Variants in ABCA13 observed in about 807,000 individuals in gnomAD.
ABCA13 encodes the protein ATP binding cassette subfamily A member 13, also known as ATP-binding cassette sub-family A member 13.
ABCA13 carries 476 observed loss-of-function variants against 478.7 expected under a neutral mutation model. That is an observed-to-expected ratio of 0.99 (90% CI 0.92 to 1.07). The LOEUF (loss-of-function observed/expected upper bound fraction) is 1.07. ABCA13 is among the 50% of genes least tolerant of loss of function. The pLI is 0.00. For missense variants in ABCA13, 6,060 were observed against 5,910.6 expected (o/e 1.03, Z -0.83); for synonymous variants, 2,252 against 2,158.9 (o/e 1.04, Z -1.20).
intron 49 of ABCA13, 68 bp from the exon 50 acceptor site, chr7:48,507,804 A>T: frequency 6.8e-7 from 1 of 1,477,522 alleles, no homozygotes. Context: ...ATCATTGCTG[A>T]TTGTTATTAG....
chr7:48,587,686 TG>T (rs1554576462), intron 57 of ABCA13, among the ~76,000 whole-genome samples: 2 of 152,206 alleles, frequency 1.3e-5, no homozygotes, highest in Non-Finnish European at 2.9e-5. Flanking sequence ...ATCTTAAAGA[TG>T]GGTGTTGAGA....
chr7:48,325,315 C>G (rs1242012452), intron 27 of ABCA13, among the ~76,000 whole-genome samples: 1 of 152,148 alleles, frequency 6.6e-6, no homozygotes, highest in South Asian at 2.1e-4. Flanking sequence ...TGGCTATGAC[C>G]ACCCTGTGGC....
intron 17 of ABCA13, 24 bp from the exon 18 acceptor site, chr7:48,278,070 G>GTATA (rs59259655): frequency 3.2e-4 from 245 of 767,530 alleles, no homozygotes; most frequent in Middle Eastern, 1.4e-3. Flanking sequence ...TAAATTAAAA[G>GTATA]TATATATATA....
At position 48,427,993 on chromosome 7, in the gene ABCA13, A is replaced by G. The variant is rs535505840; in HGVS notation, c.12565+122A>G. 2.9e-3 allele frequency: 1,715 copies of G among 589,030 alleles called. 4 individuals carry two copies. The highest frequency in any genetic ancestry group is 3.4e-3 in the Non-Finnish European group (1,220 of 359,796). The allele number at this position is 589,030 out of a possible 1,614,324, so 36.5% of individuals were successfully genotyped here. The stretch of plus-strand genomic sequence containing the variant: ...GAAGTTAGTGAGGAGATGTGAGTGT[A>G]TAGTGAGGGGGCAAGTAAATACAGG... On this transcript the variant is annotated intron_variant, in intron 42 of 61. Transcript: ENST00000435803.
intron 21 of ABCA13, among the ~76,000 whole-genome samples, chr7:48,296,170 G>A (rs775406504): frequency 4.6e-5 from 7 of 152,098 alleles, no homozygotes; most frequent in East Asian, 1.9e-4. Flanking sequence ...TGGGAGAATC[G>A]CTTGAGGCTA....
At chr7:48,231,645 A>G (rs1305183146) in intron 7 of ABCA13, among the ~76,000 whole-genome samples, 3 of 150,496 alleles carry the variant, frequency 2.0e-5, no homozygotes, top group Non-Finnish European at 4.4e-5. Flanking sequence ...CTGAGGTCTC[A>G]GTCTCCTGAA....
intron 60 of ABCA13, among the ~76,000 whole-genome samples, chr7:48,644,245 A>C (rs1406351263): frequency 6.6e-6 from 1 of 152,204 alleles, no homozygotes; most frequent in Non-Finnish European, 1.5e-5. Context: ...AATGATGAGA[A>C]TAGTGAGAGA....
At position 48,614,654 on chromosome 7, in the gene ABCA13, G is replaced by T. The variant is rs1256678388; in HGVS notation, c.14745-631G>T. 1.3e-5 allele frequency among the ~76,000 whole-genome samples: 2 copies of T among 150,500 alleles called. 1 individual carries two copies. Among genetic ancestry groups the T allele is most frequent in the South Asian group, 4.3e-4 (2 of 4,674 alleles). ...CCAACCCAAATGTCCAACAATGATA[G>T]ACTGGATTAAGAAAATGTGGCACAT... is the stretch of plus-strand genomic sequence containing the variant. On this transcript the variant is annotated intron_variant, in intron 58 of 61. Transcript: ENST00000435803.
At chr7:48,606,660 G>T (rs1791497696) in intron 58 of ABCA13, among the ~76,000 whole-genome samples, 1 of 152,132 alleles carries the variant, frequency 6.6e-6, no homozygotes, top group African/African-American at 2.4e-5. Context: ...GCCCCTACCG[G>T]GAGCTATCTC....
chr7:48,543,860 A>G (rs1392404058), intron 55 of ABCA13, among the ~76,000 whole-genome samples: 1 of 146,326 alleles, frequency 6.8e-6, no homozygotes, highest in Non-Finnish European at 1.5e-5. Flanking sequence ...TTTGGAATAT[A>G]AATCATAATT....
chr7:48,247,998 C>A (rs1312860871), intron 13 of ABCA13, among the ~76,000 whole-genome samples: 1 of 152,220 alleles, frequency 6.6e-6, no homozygotes, highest in Non-Finnish European at 1.5e-5. Flanking sequence ...AGCTATGACA[C>A]TGAGTCCCAT....
chr7:48,506,433 GAA>G (rs755409840), intron 49 of ABCA13, 43 bp downstream of exon 49: 2 of 1,601,810 alleles, frequency 1.2e-6, no homozygotes, highest in Admixed American at 3.3e-5. Context: ...CCTGACTATG[GAA>G]GAAAATCTTT....
At chr7:48,213,413 C>T (rs1356474204) in intron 3 of ABCA13, among the ~76,000 whole-genome samples, 3 of 152,132 alleles carry the variant, frequency 2.0e-5, no homozygotes, top group Non-Finnish European at 4.4e-5. Flanking sequence ...AAAAAATGTA[C>T]ATAACTTAAA....
At position 48,193,049 on chromosome 7, in the gene ABCA13, A is replaced by T; in HGVS notation, c.160A>T (p.Ile54Phe). Residue 54 changes from isoleucine (I) to phenylalanine (F), a missense_variant, in exon 2 of 62, where the codon ATT (isoleucine) becomes TTT (phenylalanine). Physicochemically the swap from Ile to Phe is conservative, Grantham distance 21 (BLOSUM62 0). Coordinates refer to ENST00000435803, the MANE Select transcript of ABCA13 (RefSeq NM_152701.5). ...RFQEPPRYRD[I>F]CYLQPRDLPS... is the part of the protein sequence containing the mutation. ...TCAAGAACCTCCCAGATACAGAGACATTTGTAAGTTTCACTTTTTAATATA... is the reference window on the plus strand; with the variant it reads ...TCAAGAACCTCCCAGATACAGAGACTTTTGTAAGTTTCACTTTTTAATATA... 1 of 1,530,764 alleles carries T rather than the reference A, an allele frequency of 6.5e-7. No homozygotes were observed. The highest frequency in any genetic ancestry group is 1.2e-5 in the South Asian group (1 of 82,420). The allele number at this position is 1,530,764 out of a possible 1,614,324, so 94.8% of individuals were successfully genotyped here.
At chr7:48,549,041 C>T (rs1185046047) in intron 55 of ABCA13, among the ~76,000 whole-genome samples, 1 of 151,588 alleles carries the variant, frequency 6.6e-6, no homozygotes, top group Non-Finnish European at 1.5e-5. Flanking sequence ...ATTATTTTTT[C>T]TTTACTTTTT....
At chr7:48,424,373 G>C (rs1821138596) in intron 41 of ABCA13, among the ~76,000 whole-genome samples, 1 of 152,208 alleles carries the variant, frequency 6.6e-6, no homozygotes, top group East Asian at 1.9e-4. Flanking sequence ...AATATTGCTG[G>C]AAAGTATGTA....
At chr7:48,339,895 A>G (rs1416746713) in intron 29 of ABCA13, among the ~76,000 whole-genome samples, 1 of 152,158 alleles carries the variant, frequency 6.6e-6, no homozygotes, top group Non-Finnish European at 1.5e-5. Flanking sequence ...ATCACTGACC[A>G]GATGCAAATC....
intron 24 of ABCA13, among the ~76,000 whole-genome samples, chr7:48,310,583 A>G (rs1028797530): frequency 2.0e-5 from 3 of 152,114 alleles, no homozygotes; most frequent in Non-Finnish European, 4.4e-5. Flanking sequence ...CGGTGGCCCT[A>G]TCTGTCAGCG....
intron 45 of ABCA13, among the ~76,000 whole-genome samples, chr7:48,476,830 A>T (rs1254817777): frequency 6.6e-6 from 1 of 152,204 alleles, no homozygotes; most frequent in East Asian, 1.9e-4. Context: ...TGCATAAGGC[A>T]TGGGGGCATG....
Sources: allele counts gnomAD v4.1 joint callset (sites outside exome capture counted in the v4.1 genomes callset), GRCh38; gene constraint gnomAD v4.1.1; transcripts MANE v1.5; gene names NCBI Gene and HGNC (gene_info 2026-07-23, HGNC 2026-07-21).